DNAH5: variants seen among roughly 807,000 people sequenced by gnomAD.
DNAH5 encodes axonemal beta dynein heavy chain 5.
In DNAH5, 372 loss-of-function variants were observed where a neutral mutation model predicts 518.2. The observed-to-expected ratio is 0.72, with a 90% CI of 0.66 to 0.78. DNAH5 has a LOEUF of 0.78. DNAH5 is among the 30% of genes least tolerant of loss of function. The pLI, the probability that DNAH5 is intolerant of heterozygous loss-of-function variation, is 0.00. For synonymous variants in DNAH5, 2,039 were observed against 2,025.9 expected (o/e 1.01, Z -0.17); for missense variants, 5,523 against 5,687.0 (o/e 0.97, Z 0.93).
At chr5:13,724,230 G>A (rs1474204474) in intron 70 of DNAH5, among the ~76,000 whole-genome samples, 1 of 152,220 alleles carries the variant, frequency 6.6e-6, no homozygotes, top group Non-Finnish European at 1.5e-5. Flanking sequence ...TTGCACCAGT[G>A]TGCCTTGGAT....
intron 35 of DNAH5, among the ~76,000 whole-genome samples, chr5:13,832,374 G>A (rs991211973): frequency 1.3e-5 from 2 of 152,166 alleles, no homozygotes; most frequent in Admixed American, 6.5e-5. Flanking sequence ...CAGCTAGGTG[G>A]GGCTTCAGAC....
At chr5:13,740,754 A>G (rs1294159172) in intron 65 of DNAH5, among the ~76,000 whole-genome samples, 1 of 152,044 alleles carries the variant, frequency 6.6e-6, no homozygotes, top group Non-Finnish European at 1.5e-5. Context: ...CTCTTCCCTT[A>G]TTCAAGTCTT....
chr5:13,771,097 C>A (rs1753278005), intron 55 of DNAH5, 117 bp from the exon 56 acceptor site: 1 of 891,634 alleles, frequency 1.1e-6, no homozygotes, highest in Non-Finnish European at 1.8e-6. Flanking sequence ...TTTTTGTAGC[C>A]CCAGCTAGGT....
intron 1 of DNAH5, among the ~76,000 whole-genome samples, chr5:13,935,595 A>G (rs1778851061): frequency 6.6e-6 from 1 of 152,224 alleles, no homozygotes; most frequent in South Asian, 2.1e-4. Context: ...AATGTTTATC[A>G]ATCTCAACTT....
chr5:14,009,326 T>A (rs1784956358), intron 1 of DNAH5, among the ~76,000 whole-genome samples: 1 of 152,174 alleles, frequency 6.6e-6, no homozygotes, highest in Non-Finnish European at 1.5e-5. Context: ...GCTCACTGTA[T>A]CCTTTTCCCA....
intron 64 of DNAH5, 95 bp from the exon 65 acceptor site, chr5:13,751,355 A>C: frequency 8.4e-7 from 1 of 1,187,176 alleles, no homozygotes; most frequent in Non-Finnish European, 1.2e-6. Context: ...AAATAATTAC[A>C]TAATTGGAGA....
At chr5:13,970,873 A>T (rs978831849) in intron 1 of DNAH5, among the ~76,000 whole-genome samples, 3 of 152,170 alleles carry the variant, frequency 2.0e-5, no homozygotes, top group Admixed American at 2.0e-4. Context: ...TATTCCCCCA[A>T]ATATGTTTTC....
intron 73 of DNAH5, among the ~76,000 whole-genome samples, chr5:13,717,060 C>A (rs1744389722): frequency 6.6e-6 from 1 of 152,154 alleles, no homozygotes; most frequent in Non-Finnish European, 1.5e-5. Context: ...ACCCACACCC[C>A]CTGAGAACAG....
At chr5:13,720,917 T>C (rs1744961725) in intron 71 of DNAH5, 83 bp downstream of exon 71, 2 of 1,577,922 alleles carry the variant, frequency 1.3e-6, no homozygotes, top group South Asian at 2.2e-5. Flanking sequence ...AAACTCCTAA[T>C]GATTTATATT....
chr5:13,793,387 G>A, intron 49 of DNAH5, 128 bp downstream of exon 49: 1 of 762,972 alleles, frequency 1.3e-6, no homozygotes, highest in Non-Finnish European at 2.3e-6. Context: ...GCTTGAGAGT[G>A]ATGGAGGCTG....
chr5:13,784,221 G>A lies in DNAH5; in HGVS notation c.8820+1958C>T, dbSNP rs114375369. Among the ~76,000 whole-genome samples the A allele has an allele frequency of 7.4e-3, 1,129 of 152,292 alleles. 10 individuals carry two copies. Among genetic ancestry groups the A allele is most frequent in the African/African-American group, 0.026 (1,080 of 41,552 alleles). ...CTCCAGCAGGCAGGCTATTTGTCAT[G>A]AAATTGCCTTTGGTAATACTCATTT... On this transcript the variant is annotated intron_variant, in intron 52 of 78. Coordinates refer to ENST00000265104, the MANE Select transcript of DNAH5 (RefSeq NM_001369.3).
chr5:13,798,136 T>C lies in DNAH5; in HGVS notation c.7888-4078A>G, dbSNP rs1299430462. On this transcript the variant is annotated intron_variant, in intron 47 of 78. Transcript: ENST00000265104. ...AGTTGATGGGTGCAGCAAACCAACA[T>C]GGCACATGTATACCTATGTATCAAA... Among the ~76,000 whole-genome samples, 3 of 152,118 alleles carry C rather than the reference T, an allele frequency of 2.0e-5. No homozygotes were observed. The East Asian group carries it at 5.8e-4, about 29-fold the overall frequency.
rs1741993005 is a variant in DNAH5, at chr5:13,700,770, C to T, written c.13593G>A (p.Glu4531=). 2 of 1,614,156 alleles carry T rather than the reference C, an allele frequency of 1.2e-6. No individual in the cohort carries two copies. Among genetic ancestry groups the T allele is most frequent in the Non-Finnish European group, 1.7e-6 (2 of 1,180,006 alleles). Residue 4531 remains glutamate, a synonymous_variant, in exon 78 of 79, where the codon GAG becomes GAA. Coordinates refer to ENST00000265104, the MANE Select transcript of DNAH5 (RefSeq NM_001369.3). The part of the protein sequence containing the change: ...MKDDISAPPT[E]GVYVYGLYLE... ...GATATAAGCCATAGACATAGACACC[C>T]TCTGTGGGAGGGGCAGAAATGTCGT...
chr5:13,753,708 T>C (rs1252742033), intron 62 of DNAH5, among the ~76,000 whole-genome samples, 159 bp from the exon 63 acceptor site: 2 of 152,180 alleles, frequency 1.3e-5, no homozygotes, highest in Admixed American at 6.5e-5. Context: ...GAATAAGCAG[T>C]AGTCTGGTTT....
chr5:13,872,851 A>C (rs1770316726), intron 22 of DNAH5, among the ~76,000 whole-genome samples: 2 of 152,146 alleles, frequency 1.3e-5, no homozygotes, highest in Admixed American at 1.3e-4. Flanking sequence ...TGTCTTAAGA[A>C]TATCTTTGCA....
chr5:13,805,654 G>A (rs1464056119), intron 47 of DNAH5, among the ~76,000 whole-genome samples: 1 of 152,184 alleles, frequency 6.6e-6, no homozygotes, highest in Non-Finnish European at 1.5e-5. Flanking sequence ...CACATCCTGA[G>A]GACAGGGAAG....
At chr5:13,849,613 T>C (rs1043834350) in intron 31 of DNAH5, among the ~76,000 whole-genome samples, 2 of 152,222 alleles carry the variant, frequency 1.3e-5, no homozygotes, top group South Asian at 2.1e-4. Flanking sequence ...GGTCCATTTG[T>C]AGTTTTTCTC....
chr5:13,819,974 C>T (rs16902778), intron 41 of DNAH5, among the ~76,000 whole-genome samples: 27,522 of 151,810 alleles, frequency 0.18, 2,604 homozygotes, highest in Admixed American at 0.22. Flanking sequence ...TTTTTAAGCG[C>T]GCCCTGACCT....
At chr5:13,731,290 T>G (rs571671437) in intron 68 of DNAH5, among the ~76,000 whole-genome samples, 74 of 152,134 alleles carry the variant, frequency 4.9e-4, no homozygotes, top group Non-Finnish European at 8.1e-4. Flanking sequence ...CTAAAGACAA[T>G]GCATTGTGTT....
Sources: allele counts gnomAD v4.1 joint callset (sites outside exome capture counted in the v4.1 genomes callset), GRCh38; gene constraint gnomAD v4.1.1; transcripts MANE v1.5; gene names NCBI Gene and HGNC (gene_info 2026-07-23, HGNC 2026-07-21).